CD40: variants seen among roughly 807,000 people sequenced by gnomAD.
CD40 encodes tumor necrosis factor receptor superfamily member 5.
CD40 carries 19 observed loss-of-function variants against 38.5 expected under a neutral mutation model. The observed-to-expected ratio is 0.49, with a 90% CI of 0.34 to 0.72. The LOEUF (loss-of-function observed/expected upper bound fraction) is 0.72, where lower values mean the gene tolerates loss of function less well. Among genes scored for constraint, CD40 ranks in the 30% least tolerant of loss-of-function variants. The probability of loss-of-function intolerance (pLI) is 0.01; values close to 1 mark genes in which losing one functional copy is unlikely to be tolerated. For synonymous variants in CD40, 130 were observed against 128.7 expected (o/e 1.01, Z -0.07); for missense variants, 256 against 344.1 (o/e 0.74, Z 2.03).
Position 46,127,768 on chromosome 20 carries a change from G to A in CD40, c.560-370G>A, listed in dbSNP as rs73310751. Among the ~76,000 whole-genome samples the A allele has an allele frequency of 6.2e-3, 940 of 152,212 alleles. 14 individuals are homozygous for A. The highest frequency in any genetic ancestry group is 0.021 in the African/African-American group (881 of 41,528). Reference sequence around the variant, plus strand: ...GACCTCGGCATTGGGCAGAGAGCAGGGAGTGGCGGGGAGCATGGTGAGCAG... The same window carrying A: ...GACCTCGGCATTGGGCAGAGAGCAGAGAGTGGCGGGGAGCATGGTGAGCAG... On this transcript the variant is annotated intron_variant, in intron 6 of 8. Coordinates refer to ENST00000372285, the MANE Select transcript of CD40 (RefSeq NM_001250.6).
At position 46,122,488 on chromosome 20, in the gene CD40, G is replaced by A; in HGVS notation, c.257-122G>A. 1 of 1,566,916 alleles carries A rather than the reference G, an allele frequency of 6.4e-7. No homozygotes were observed. The highest frequency in any genetic ancestry group is 1.7e-5 in the Admixed American group (1 of 59,792). On this transcript the variant is annotated intron_variant, in intron 3 of 8. Transcript: ENST00000372285. The surrounding 1 kb of genome is among the most constrained non-coding windows in gnomAD (Gnocchi z 5.0). ...GTCCGGGCTGTACTGATCATTAAAT[G>A]ATTTGATTGCCATCTCTACTTGGAA...
rs555476733 is a variant in CD40, at chr20:46,122,707, C to G, written c.354C>G (p.Ser118Arg). ...GWHCTSEACE[S>R]CVLHRSCSPG... ...ACTGTACGAGTGAGGCCTGTGAGAGCTGTGTCCTGCACCGCTCATGCTCGC... is the reference window on the plus strand; with the variant it reads ...ACTGTACGAGTGAGGCCTGTGAGAGGTGTGTCCTGCACCGCTCATGCTCGC... Residue 118 changes from serine to arginine, a missense_variant, in exon 4 of 9, where the codon AGC (serine) becomes AGG (arginine). Transcript: ENST00000372285. The surrounding 1 kb of genome is among the most constrained non-coding windows in gnomAD (Gnocchi z 5.0). The G allele has an allele frequency of 3.7e-6, 6 of 1,614,172 alleles. No individual in the cohort carries two copies. In the South Asian group the frequency reaches 6.6e-5, roughly 18 times the overall value.
At chr20:46,124,751 GTTTTTTTTTTTTTTTTTTTTTT>G (rs780015926) in intron 5 of CD40, among the ~76,000 whole-genome samples, 3 of 73,938 alleles carry the variant, frequency 4.1e-5, no homozygotes, top group Admixed American at 2.1e-4. Context: ...CACTGGTATA[GTTTTTTTTTTTTTTTTTTTTTT>G]TTTTTTTTTT....
chr20:46,122,835 C>G lies in CD40; in HGVS notation c.403+79C>G, dbSNP rs1223654482. 1.3e-6 allele frequency: 2 copies of G among 1,556,362 alleles called. No homozygotes were observed. The highest frequency in any genetic ancestry group is 1.8e-6 in the Non-Finnish European group (2 of 1,136,228). ...CCAAGGTGAGGGGCTGGGCAGTGGG[C>G]ACTTAGCCCCAGAGGCAGAGGAAGC... On this transcript the variant is annotated intron_variant, in intron 4 of 8. Transcript: ENST00000372285. The surrounding 1 kb of genome is among the most constrained non-coding windows in gnomAD (Gnocchi z 5.0).
intron 1 of CD40, among the ~76,000 whole-genome samples, chr20:46,121,418 A>G (rs962524256): frequency 1.3e-5 from 2 of 152,170 alleles, no homozygotes; most frequent in Admixed American, 1.3e-4. Flanking sequence ...GGAAGAGGCC[A>G]AGTGCTAAAC....
At chr20:46,118,472 G>T (rs1473782941) in intron 1 of CD40, 78 bp downstream of exon 1, 38 of 1,264,404 alleles carry the variant, frequency 3.0e-5, no homozygotes, top group Non-Finnish European at 4.2e-5. Context: ...CTTCGGGGAA[G>T]AGGCCTTCCT....
At chr20:46,128,304 CTTT>C (rs749590513) in intron 7 of CD40, 23 bp from the exon 8 acceptor site, 4,289 of 1,419,842 alleles carry the variant, frequency 3.0e-3, no homozygotes, top group Non-Finnish European at 3.2e-3. Flanking sequence ...ACTCCCCATC[CTTT>C]TTTTTTTTTT....
intron 5 of CD40, among the ~76,000 whole-genome samples, chr20:46,125,810 G>C (rs534512534): frequency 6.6e-6 from 1 of 152,290 alleles, no homozygotes; most frequent in Admixed American, 6.5e-5. Flanking sequence ...CGCCTGGTTG[G>C]ATGCTGATGA....
chr20:46,127,670 G>A (rs1269057708), intron 6 of CD40, among the ~76,000 whole-genome samples: 4 of 151,994 alleles, frequency 2.6e-5, no homozygotes, highest in Admixed American at 6.6e-5. Context: ...AAAAAAATTC[G>A]GCATGAGAAA....
Position 46,129,252 on chromosome 20 carries a change from G to A in CD40, c.*212G>A. 1 of 600,666 alleles carries A rather than the reference G, an allele frequency of 1.7e-6. No individual in the cohort carries two copies. The highest frequency in any genetic ancestry group is 1.8e-5 in the South Asian group (1 of 54,108). 37.2% of individuals were successfully genotyped at this position (600,666 alleles called of 1,614,324 possible). On this transcript the variant is annotated 3_prime_UTR_variant, in exon 9 of 9. Transcript: ENST00000372285. ...GAAGAACCTCTCACTTCACCCTGGA[G>A]CCCATCCAGTCTCCCAACTTGTATT...
At chr20:46,128,389 T>C (rs368055606) in intron 8 of CD40, 31 bp downstream of exon 8, 184 of 1,605,520 alleles carry the variant, frequency 1.1e-4, no homozygotes, top group Non-Finnish European at 1.5e-4. Flanking sequence ...CGGGACAGAG[T>C]TTTGACAAAC....
At position 46,129,194 on chromosome 20, in the gene CD40, G is replaced by C. The variant is rs1321780339; in HGVS notation, c.*154G>C. On this transcript the variant is annotated 3_prime_UTR_variant, in exon 9 of 9. Transcript: ENST00000372285. The stretch of plus-strand genomic sequence containing the variant: ...TGCACCCCTGCAGTTTGAGACAGGA[G>C]ACCTGGCACTGGATGCAGAAACAGT... 3.8e-6 allele frequency: 3 copies of C among 787,824 alleles called. No homozygotes were observed. The South Asian group carries it at 4.4e-5, about 12-fold the overall frequency. 48.8% of individuals were successfully genotyped at this position (787,824 alleles called of 1,614,324 possible). A position where few individuals can be genotyped will look rare whatever the true frequency, so the allele number is the denominator to read the frequency against.
At chr20:46,123,042 G>A (rs958226021) in intron 4 of CD40, 84 bp from the exon 5 acceptor site, 30 of 1,102,926 alleles carry the variant, frequency 2.7e-5, no homozygotes, top group East Asian at 9.4e-5. Flanking sequence ...AGCTCTTCCC[G>A]TCCTGCCTGG....
intron 7 of CD40, 34 bp downstream of exon 7, chr20:46,128,258 G>A (rs1405943453): frequency 2.5e-6 from 4 of 1,612,636 alleles, no homozygotes; most frequent in Admixed American, 3.3e-5. Context: ...TTGGGGGAGG[G>A]AGGGGAGACC....
chr20:46,128,395 C>T, intron 8 of CD40, 37 bp downstream of exon 8: 1 of 1,600,546 alleles, frequency 6.2e-7, no homozygotes, highest in Non-Finnish European at 8.5e-7. Context: ...AGAGTTTTGA[C>T]AAACTGGGAA....
rs773211027 is a variant in CD40 at position 46,126,695 on chromosome 20, G to A, written c.553G>A (p.Val185Ile). ...QQAGTNKTDV[V>I]CGPQDRLRAL... is the part of the protein sequence containing the mutation. ...GGCAGGCACAAACAAGACTGATGTTGTCTGTGGTGAGTCCTGGACAATGGG... is the reference window on the plus strand; with the variant it reads ...GGCAGGCACAAACAAGACTGATGTTATCTGTGGTGAGTCCTGGACAATGGG... Residue 185 changes from valine (V) to isoleucine (I), a missense_variant, in exon 6 of 9, where the codon GTC (valine) becomes ATC (isoleucine). Physicochemically the swap from Val to Ile is conservative, Grantham distance 29 (BLOSUM62 3). Transcript: ENST00000372285. The A allele has an allele frequency of 2.0e-5, 32 of 1,614,042 alleles. No individual in the cohort carries two copies. The South Asian group carries it at 3.5e-4, about 18-fold the overall frequency.
intron 1 of CD40, 124 bp downstream of exon 1, chr20:46,118,518 G>C: frequency 1.3e-6 from 1 of 749,832 alleles, no homozygotes; most frequent in Non-Finnish European, 2.3e-6. Flanking sequence ...GTGGGTGGGA[G>C]CTGGGCAAGG....
rs574178493 is a variant in CD40 at position 46,122,223 on chromosome 20, T to C, written c.131-10T>C. ...GCCAGAGCCCTCCCTCATTTCCTGA[T>C]GTTTTCCAGGACAGAAACTGGTGAG... On this transcript the variant is annotated splice_polypyrimidine_tract_variant and intron_variant, in intron 2 of 8. Transcript: ENST00000372285. This position sits in a 1 kb window ranked among gnomAD's most constrained non-coding sequence, Gnocchi z 5.0. 6 of 1,614,182 alleles carry C rather than the reference T, an allele frequency of 3.7e-6. No homozygotes were observed. In the African/African-American group the frequency reaches 5.3e-5, roughly 14 times the overall value.
chr20:46,125,187 T>C (rs1035832775), intron 5 of CD40, among the ~76,000 whole-genome samples: 4 of 152,060 alleles, frequency 2.6e-5, no homozygotes, highest in African/African-American at 9.7e-5. Context: ...ATGACCTTCA[T>C]TTCACAAGGC....
Sources: gnomAD v4.1 joint callset for allele counts (sites outside exome capture counted in the v4.1 genomes callset) on GRCh38, gnomAD v4.1.1 for gene constraint, Gnocchi (gnomAD v3.1) non-coding constraint, MANE v1.5 for transcripts, NCBI Gene and HGNC (gene_info 2026-07-23, HGNC 2026-07-21) for gene names.